PRDM10: variants seen among roughly 807,000 people sequenced by gnomAD.
PRDM10 encodes the protein PR/SET domain 10, also known as PR domain zinc finger protein 10.
PRDM10 carries 65 observed loss-of-function variants against 133.1 expected under a neutral mutation model. That is an observed-to-expected ratio of 0.49 (90% CI 0.40 to 0.60). The LOEUF (loss-of-function observed/expected upper bound fraction) is 0.60, where lower values mean the gene tolerates loss of function less well. PRDM10 is among the 20% of genes least tolerant of loss of function. The pLI is 0.00. For missense variants in PRDM10, 1,137 were observed against 1,507.1 expected, an observed-to-expected ratio of 0.75 and a Z score of 4.07; for synonymous variants, 582 against 580.4, an observed-to-expected ratio of 1.00 and a Z score of -0.04.
chr11:129,918,495 G>T lies in PRDM10; in HGVS notation c.2214+44C>A. ...CGTCACCATCATCGACAGCAATGAGGTATGCTGGGAAGACAGAGGAACCCG... is the reference window on the plus strand; with the variant it reads ...CGTCACCATCATCGACAGCAATGAGTTATGCTGGGAAGACAGAGGAACCCG... On this transcript the variant is annotated intron_variant, in intron 14 of 20. Transcript: ENST00000360871. The surrounding 1 kb of genome is among the most constrained non-coding windows in gnomAD (Gnocchi z 5.3). 1 of 1,587,736 alleles carries T rather than the reference G, an allele frequency of 6.3e-7. No homozygotes were observed. The highest frequency in any genetic ancestry group is 8.6e-7 in the Non-Finnish European group (1 of 1,164,720).
At chr11:129,968,350 G>T (rs1951947816) in intron 1 of PRDM10, among the ~76,000 whole-genome samples, 1 of 152,120 alleles carries the variant, frequency 6.6e-6, no homozygotes, top group African/African-American at 2.4e-5. Context: ...CTCTCTCCCT[G>T]AAATCCAACT....
chr11:129,918,650 G>T lies in PRDM10; in HGVS notation c.2103C>A (p.Asp701Glu). 1.2e-6 allele frequency: 2 copies of T among 1,614,200 alleles called. No individual in the cohort carries two copies. Among genetic ancestry groups the T allele is most frequent in the Non-Finnish European group, 1.7e-6 (2 of 1,180,008 alleles). The change falls in exon 14 of 21, where the codon GAC becomes GAA. Residue 701 changes from aspartate to glutamate, a missense_variant. This residue lies in a region of PRDM10 where 78 missense variants were observed against 96.4 expected (regional missense o/e 0.81). Coordinates refer to ENST00000360871, the MANE Select transcript of PRDM10 (RefSeq NM_199437.2). This position sits in a 1 kb window ranked among gnomAD's most constrained non-coding sequence, Gnocchi z 5.3. ...HNPEREAKKA[D>E]RISRSKTFKP... The stretch of plus-strand genomic sequence containing the variant: ...TGAACGTCTTGGAGCGGCTGATGCG[G>T]TCGGCTTTCTTGGCCTCCCTCTCAG...
At chr11:129,968,926 G>C (rs1951959870) in intron 1 of PRDM10, among the ~76,000 whole-genome samples, 1 of 152,168 alleles carries the variant, frequency 6.6e-6, no homozygotes, top group Non-Finnish European at 1.5e-5. Context: ...AATTAACACA[G>C]CAGCCAGCTC....
intron 1 of PRDM10, among the ~76,000 whole-genome samples, chr11:129,974,809 G>A (rs991923619): frequency 1.3e-5 from 2 of 152,236 alleles, no homozygotes; most frequent in African/African-American, 4.8e-5. Flanking sequence ...ACAAACTGTG[G>A]TCTGTACATA....
chr11:129,978,179 T>A (rs1243582191), intron 1 of PRDM10, among the ~76,000 whole-genome samples: 1 of 152,172 alleles, frequency 6.6e-6, no homozygotes, highest in Non-Finnish European at 1.5e-5. Flanking sequence ...GTGATAATGC[T>A]GGGACACTCC....
At chr11:129,903,794 G>A (rs1949922235) in intron 20 of PRDM10, among the ~76,000 whole-genome samples, 1 of 152,118 alleles carries the variant, frequency 6.6e-6, no homozygotes, top group Non-Finnish European at 1.5e-5. Context: ...TCCACGTGGG[G>A]AGGGGGCTGT....
At chr11:129,908,808 C>A (rs976191814) in intron 19 of PRDM10, among the ~76,000 whole-genome samples, 2 of 151,914 alleles carry the variant, frequency 1.3e-5, no homozygotes, top group African/African-American at 4.8e-5. Flanking sequence ...ACTCTGTCAC[C>A]CAGGCTGGAG....
At chr11:129,998,097 T>C (rs2136010271) in intron 1 of PRDM10, among the ~76,000 whole-genome samples, 3 of 152,356 alleles carry the variant, frequency 2.0e-5, no homozygotes, top group Middle Eastern at 6.8e-3. Context: ...TTAATTATAA[T>C]AGTATATTGC....
chr11:129,999,604 C>G (rs767042954), intron 1 of PRDM10, among the ~76,000 whole-genome samples: 10 of 152,120 alleles, frequency 6.6e-5, no homozygotes, highest in Non-Finnish European at 1.5e-5. Context: ...GGATGTTTAA[C>G]AGTTTCTTTT....
chr11:129,998,884 G>A (rs567779932), intron 1 of PRDM10, among the ~76,000 whole-genome samples: 2 of 150,648 alleles, frequency 1.3e-5, no homozygotes, highest in South Asian at 4.2e-4. Flanking sequence ...GTGCAGTGGC[G>A]TGATCTCGGC....
intron 1 of PRDM10, among the ~76,000 whole-genome samples, chr11:129,982,158 C>G (rs1938146174): frequency 6.6e-6 from 1 of 151,998 alleles, no homozygotes; most frequent in Non-Finnish European, 1.5e-5. Flanking sequence ...ACTCCGGAGG[C>G]TGAGGTGGGA....
chr11:129,923,248 C>A lies in PRDM10; in HGVS notation c.2034G>T (p.Lys678Asn). 1 of 1,576,380 alleles carries A rather than the reference C, an allele frequency of 6.3e-7. No homozygotes were observed. The highest frequency in any genetic ancestry group is 2.3e-5 in the East Asian group (1 of 43,634). Reference protein sequence around the residue: ...FLCSTCGKQFKRKDKLREHMQ... With the variant: ...FLCSTCGKQFNRKDKLREHMQ... ...CTTGGGCTGTGCCTTGGTGTCATAC[C>A]TTAAATTGCTTCCCACAGGTGGAAC... The change falls in exon 13 of 21, where the codon AAG becomes AAT. Residue 678 changes from lysine to asparagine, a missense_variant and splice_region_variant. Transcript: ENST00000360871. The surrounding 1 kb of genome is among the most constrained non-coding windows in gnomAD (Gnocchi z 4.4).
intron 1 of PRDM10, among the ~76,000 whole-genome samples, chr11:129,979,635 G>GT (rs566135272): frequency 2.2e-4 from 33 of 152,274 alleles, no homozygotes; most frequent in African/African-American, 7.2e-4. Flanking sequence ...GTTTTGACTT[G>GT]TTTTTTTGAC....
In PRDM10 at chr11:129,965,010, A is replaced by G. The variant is rs537046200; in HGVS notation, c.-118-3928T>C. Among the ~76,000 whole-genome samples, 8 of 152,342 alleles carry G rather than the reference A, an allele frequency of 5.3e-5. No individual in the cohort carries two copies. The South Asian group carries it at 1.4e-3, about 28-fold the overall frequency. Reference sequence around the variant, plus strand: ...TTTCAAAACATTTTATACTCTTTAAAAATCTAACAATTTGGCTGGGCGAGG... The same window carrying G: ...TTTCAAAACATTTTATACTCTTTAAGAATCTAACAATTTGGCTGGGCGAGG... On this transcript the variant is annotated intron_variant, in intron 1 of 20. Coordinates refer to ENST00000360871, the MANE Select transcript of PRDM10 (RefSeq NM_199437.2).
chr11:130,001,002 G>C (rs1328150322), intron 1 of PRDM10, among the ~76,000 whole-genome samples: 1 of 152,152 alleles, frequency 6.6e-6, no homozygotes, highest in African/African-American at 2.4e-5. Flanking sequence ...AGCTACTAGG[G>C]AGGCTGAAGC....
At chr11:129,989,778 A>C (rs1315769190) in intron 1 of PRDM10, among the ~76,000 whole-genome samples, 1 of 152,196 alleles carries the variant, frequency 6.6e-6, no homozygotes, top group African/African-American at 2.4e-5. Context: ...ATCATTCTAG[A>C]GCATAATTTT....
chr11:129,972,143 C>G (rs939561409), intron 1 of PRDM10, among the ~76,000 whole-genome samples: 1 of 152,240 alleles, frequency 6.6e-6, no homozygotes, highest in African/African-American at 2.4e-5. Flanking sequence ...CCACGCCCAC[C>G]CAGAACTCCA....
chr11:129,941,621 G>A (rs1001774869), intron 7 of PRDM10, among the ~76,000 whole-genome samples: 11 of 152,188 alleles, frequency 7.2e-5, no homozygotes, highest in African/African-American at 1.4e-4. Flanking sequence ...AGTGAGATGC[G>A]TTCAAGTAGA....
At chr11:129,906,287 A>C (rs1437131489) in intron 19 of PRDM10, among the ~76,000 whole-genome samples, 1 of 152,192 alleles carries the variant, frequency 6.6e-6, no homozygotes, top group Non-Finnish European at 1.5e-5. Context: ...CTTGTGAGAC[A>C]GTTGTGGGGC....
Sources: gnomAD v4.1 joint callset for allele counts (sites outside exome capture counted in the v4.1 genomes callset) on GRCh38, gnomAD v4.1.1 for gene constraint, gnomAD v4.1.1 regional missense constraint, Gnocchi (gnomAD v3.1) non-coding constraint, MANE v1.5 for transcripts, NCBI Gene and HGNC (gene_info 2026-07-23, HGNC 2026-07-21) for gene names.